ROBO2: variants seen among roughly 807,000 people sequenced by gnomAD.
ROBO2 encodes the protein roundabout homolog 2.
Under a neutral mutation model 160.8 loss-of-function variants are expected in ROBO2, and 53 were observed. The observed-to-expected ratio is 0.33, with a 90% CI of 0.26 to 0.41. ROBO2 has a LOEUF of 0.41. Ranked by LOEUF, ROBO2 falls within the 10% of genes least tolerant of loss-of-function variation. The probability of loss-of-function intolerance (pLI) is 1.00; values close to 1 mark genes in which losing one functional copy is unlikely to be tolerated. For missense variants in ROBO2, 1,577 were observed against 1,722.4 expected, an observed-to-expected ratio of 0.92 and a Z score of 1.49; for synonymous variants, 664 against 611.7, an observed-to-expected ratio of 1.09 and a Z score of -1.26.
rs1164837077 is a variant in ROBO2 at position 76,148,871 on chromosome 3, T to C, written c.109+211269T>C. On this transcript the variant is annotated intron_variant, in intron 2 of 26. Transcript: ENST00000487694. ...GTAGGGTGCAGTGCTTGTCTTTCTT[T>C]TCACTATTCCATCTATAGTTACTTT... Among the ~76,000 whole-genome samples, 7 of 152,226 alleles carry C rather than the reference T, an allele frequency of 4.6e-5. No homozygotes were observed. In the South Asian group the frequency reaches 1.0e-3, roughly 23 times the overall value.
chr3:76,665,136 C>G (rs182426591), intron 2 of ROBO2, among the ~76,000 whole-genome samples: 1 of 152,084 alleles, frequency 6.6e-6, no homozygotes, highest in Non-Finnish European at 1.5e-5. Flanking sequence ...TCTCTTTCCC[C>G]TCAATGTTTT....
chr3:77,176,231 A>G (rs995495403), intron 2 of ROBO2, among the ~76,000 whole-genome samples: 3 of 152,044 alleles, frequency 2.0e-5, no homozygotes, highest in African/African-American at 7.2e-5. Flanking sequence ...AAGGTGTTTA[A>G]TTCATCCAAA....
chr3:76,260,569 G>T, intron 2 of ROBO2, among the ~76,000 whole-genome samples: 1 of 151,922 alleles, frequency 6.6e-6, no homozygotes, highest in Non-Finnish European at 1.5e-5. Context: ...TCATTGGTGA[G>T]GGTATGAATC....
chr3:77,618,777 T>C (rs1365332539), intron 22 of ROBO2, among the ~76,000 whole-genome samples: 1 of 152,188 alleles, frequency 6.6e-6, no homozygotes, highest in African/African-American at 2.4e-5. Context: ...CCTCTTTTCT[T>C]AAGATATTCT....
At chr3:76,014,581 A>G (rs976461583) in intron 2 of ROBO2, among the ~76,000 whole-genome samples, 38 of 144,558 alleles carry the variant, frequency 2.6e-4, no homozygotes, top group African/African-American at 6.6e-4. Context: ...TATAAAGGCA[A>G]TTGGCGGCTG....
intron 2 of ROBO2, among the ~76,000 whole-genome samples, chr3:77,199,133 T>C (rs2082583243): frequency 6.6e-6 from 1 of 152,146 alleles, no homozygotes; most frequent in Non-Finnish European, 1.5e-5. Context: ...GAAGATAAAG[T>C]GTTTGCTCCT....
intron 2 of ROBO2, among the ~76,000 whole-genome samples, chr3:77,253,903 T>G (rs1203949195): frequency 6.6e-6 from 1 of 152,208 alleles, no homozygotes; most frequent in Non-Finnish European, 1.5e-5. Flanking sequence ...AAATATTTTG[T>G]TCAAAATAAT....
At chr3:76,126,093 C>T (rs771239331) in intron 2 of ROBO2, among the ~76,000 whole-genome samples, 3 of 152,080 alleles carry the variant, frequency 2.0e-5, no homozygotes, top group Admixed American at 6.5e-5. Flanking sequence ...GGATTACAGG[C>T]GTGAGCCACT....
chr3:77,214,349 C>G (rs1286466497), intron 2 of ROBO2, among the ~76,000 whole-genome samples: 6 of 152,074 alleles, frequency 3.9e-5, no homozygotes, highest in Admixed American at 2.6e-4. Context: ...TTCTTTGTCT[C>G]TTTTGATCTT....
chr3:76,064,017 G>A (rs576925887), intron 2 of ROBO2, among the ~76,000 whole-genome samples: 3 of 152,286 alleles, frequency 2.0e-5, no homozygotes, highest in East Asian at 1.9e-4. Context: ...AGCAACTCTC[G>A]TTGACAACCA....
chr3:77,637,187 G>T (rs2095278115), intron 24 of ROBO2, among the ~76,000 whole-genome samples: 1 of 152,172 alleles, frequency 6.6e-6, no homozygotes, highest in African/African-American at 2.4e-5. Flanking sequence ...AGCTCCACAA[G>T]TGAATCTAAA....
intron 2 of ROBO2, among the ~76,000 whole-genome samples, chr3:77,163,653 G>C (rs1201090823): frequency 6.6e-6 from 1 of 152,138 alleles, no homozygotes; most frequent in Non-Finnish European, 1.5e-5. Context: ...TCATGTGTTT[G>C]ATGTCTGTTT....
Position 77,322,610 on chromosome 3 carries a change from T to C in ROBO2, c.389-154804T>C, listed in dbSNP as rs535612021. ...AGGAAATGGGATGTCAGGAGAGAAA[T>C]TGACATTTGTTTAGATAATATCCAC... On this transcript the variant is annotated intron_variant, in intron 2 of 25. Transcript: ENST00000461745. 5.1e-4 allele frequency among the ~76,000 whole-genome samples: 77 copies of C among 151,518 alleles called. 1 individual carries two copies. Among genetic ancestry groups the C allele is most frequent in the African/African-American group, 1.6e-3 (68 of 41,328 alleles).
Position 76,457,651 on chromosome 3 carries a change from C to T in ROBO2, c.109+520049C>T, listed in dbSNP as rs368147174. ...GGGGGCTCGACCCCACATTTCCCTT[C>T]CACACTGTGCTAGCTGAGGTTCTCC... On this transcript the variant is annotated intron_variant, in intron 2 of 26. Coordinates refer to the ROBO2 transcript ENST00000487694. Among the ~76,000 whole-genome samples, 320 of 152,314 alleles carry T rather than the reference C, an allele frequency of 2.1e-3. 6 individuals carry two copies. The highest frequency in any genetic ancestry group is 0.01 in the Middle Eastern group (3 of 294).
At chr3:76,869,350 T>TTG (rs1263620329) in intron 2 of ROBO2, among the ~76,000 whole-genome samples, 1 of 133,910 alleles carries the variant, frequency 7.5e-6, no homozygotes, top group African/African-American at 2.9e-5. Flanking sequence ...ATGTTTTTTT[T>TTG]TTTTTTTTTT....
chr3:77,607,043 A>G (rs1042675208), intron 20 of ROBO2, among the ~76,000 whole-genome samples: 23 of 152,314 alleles, frequency 1.5e-4, no homozygotes, highest in Admixed American at 1.1e-3. Flanking sequence ...ATTAAGCTCC[A>G]TGTAATCCTA....
rs567091666 is a variant in ROBO2, at chr3:77,503,523, CTAAATAAA to C, written c.806+10174_806+10181del. Among the ~76,000 whole-genome samples the C allele has an allele frequency of 6.3e-3, 914 of 144,552 alleles. 5 individuals carry two copies. The highest frequency in any genetic ancestry group is 0.014 in the African/African-American group (535 of 38,888). The allele number at this position is 144,552 out of a possible 152,430, so 94.8% of individuals were successfully genotyped here. A position where few individuals can be genotyped will look rare whatever the true frequency, so the allele number is the denominator to read the frequency against. On this transcript the variant is annotated intron_variant, in intron 5 of 25. Coordinates refer to ENST00000461745, the Ensembl canonical transcript of ROBO2. ...TGGGCCACAGAGAGAGAGTCCGTCT[CTAAATAAA>C]TAAATAAATAAATAAATAAATAAAT...
intron 2 of ROBO2, among the ~76,000 whole-genome samples, chr3:76,884,013 T>C (rs147940263): frequency 6.6e-6 from 1 of 152,346 alleles, no homozygotes; most frequent in East Asian, 1.9e-4. Flanking sequence ...TAAACATTTA[T>C]CAATCCTCTG....
At chr3:77,268,429 T>G (rs1306218094) in intron 2 of ROBO2, among the ~76,000 whole-genome samples, 8 of 152,196 alleles carry the variant, frequency 5.3e-5, no homozygotes, top group Non-Finnish European at 7.3e-5. Context: ...ATGAAATTAT[T>G]CATTCTCCAC....
Sources: allele counts gnomAD v4.1 joint callset (sites outside exome capture counted in the v4.1 genomes callset), GRCh38; gene constraint gnomAD v4.1.1; transcripts MANE v1.5; gene names NCBI Gene and HGNC (gene_info 2026-07-23, HGNC 2026-07-21).